Variants in NAV1 observed in about 807,000 individuals in gnomAD.
NAV1 encodes the protein pore membrane and/or filament interacting like protein 3.
NAV1 carries 18 observed loss-of-function variants against 175.2 expected under a neutral mutation model. The observed-to-expected ratio is 0.10, with a 90% CI of 0.07 to 0.15. NAV1 has a LOEUF of 0.15. Among genes scored for constraint, NAV1 ranks in the 10% least tolerant of loss-of-function variants. The pLI is 1.00. For missense variants in NAV1, 1,731 were observed against 2,436.6 expected, an observed-to-expected ratio of 0.71 and a Z score of 6.10; for synonymous variants, 897 against 978.7, an observed-to-expected ratio of 0.92 and a Z score of 1.56.
chr1:201,648,245 T>A (rs1343911812), upstream of NAV1: 6 of 1,023,952 alleles, frequency 5.9e-6, no homozygotes, highest in Non-Finnish European at 7.0e-6. Context: ...GGCAGTGCGG[T>A]GTCCACGGGA....
rs1678603216 is a variant in NAV1, at chr1:201,810,222, T to C, written c.4561+117T>C. On this transcript the variant is annotated intron_variant, in intron 23 of 29. Transcript: ENST00000367296. The surrounding 1 kb of genome is among the most constrained non-coding windows in gnomAD (Gnocchi z 6.0). Reference sequence around the variant, plus strand: ...TCACTGAGAAGGTATAATATGAAGATGCTTAAGTAATGTGAGATATAAAAA... The same window carrying C: ...TCACTGAGAAGGTATAATATGAAGACGCTTAAGTAATGTGAGATATAAAAA... 3 of 1,360,228 alleles carry C rather than the reference T, an allele frequency of 2.2e-6. No individual in the cohort carries two copies. The highest frequency in any genetic ancestry group is 3.0e-6 in the Non-Finnish European group (3 of 994,998). The allele number at this position is 1,360,228 out of a possible 1,614,324, so 84.3% of individuals were successfully genotyped here. A position where few individuals can be genotyped will look rare whatever the true frequency, so the allele number is the denominator to read the frequency against.
intron 2 of NAV1, among the ~76,000 whole-genome samples, chr1:201,607,119 T>C (rs946403338): frequency 1.5e-5 from 2 of 136,844 alleles, no homozygotes; most frequent in East Asian, 2.0e-4. Context: ...TTTTTTCTTT[T>C]TTTTTTTTTT....
At chr1:201,794,110 A>G in intron 14 of NAV1, 2 of 686,742 alleles carry the variant, frequency 2.9e-6, no homozygotes, top group Non-Finnish European at 5.3e-6. Flanking sequence ...ATTGCCTGAC[A>G]CATCATAAGG....
chr1:201,804,111 C>T, intron 16 of NAV1: 1 of 444,118 alleles, frequency 2.3e-6, no homozygotes, highest in South Asian at 2.0e-5. Context: ...TCCTGGAGGT[C>T]ATTTCTTTAA....
intron 3 of NAV1, among the ~76,000 whole-genome samples, chr1:201,760,533 T>C (rs1355822434): frequency 6.6e-6 from 1 of 152,218 alleles, no homozygotes; most frequent in East Asian, 1.9e-4. Context: ...TAGATTTGTA[T>C]TAGAGTAACA....
intron 1 of NAV1, chr1:201,673,384 G>A (rs1043879993): frequency 6.6e-6 from 1 of 152,180 alleles, no homozygotes; most frequent in Non-Finnish European, 1.5e-5. Context: ...GTGGTAAAAT[G>A]GGAGATGGAG....
chr1:201,795,421 C>CT (rs1172912903), intron 15 of NAV1: 1 of 152,198 alleles, frequency 6.6e-6, no homozygotes, highest in African/African-American at 2.4e-5. Flanking sequence ...GGGATGCCCT[C>CT]TTTAGCAACC....
At chr1:201,766,499 A>C (rs1049953750) in intron 3 of NAV1, among the ~76,000 whole-genome samples, 1 of 151,846 alleles carries the variant, frequency 6.6e-6, no homozygotes, top group African/African-American at 2.4e-5. Flanking sequence ...GCATCACAAA[A>C]CTGCCCAATT....
intron 3 of NAV1, among the ~76,000 whole-genome samples, chr1:201,776,440 G>T (rs1368625127): frequency 2.0e-5 from 3 of 151,086 alleles, no homozygotes; most frequent in African/African-American, 7.3e-5. Context: ...AAGAGATCGA[G>T]ACCATTCTGG....
chr1:201,621,989 C>A (rs1668185928), upstream of NAV1, among the ~76,000 whole-genome samples: 1 of 152,088 alleles, frequency 6.6e-6, no homozygotes, highest in African/African-American at 2.4e-5. Flanking sequence ...GTTGAAGATA[C>A]AAGAGAGAAG....
At chr1:201,798,720 T>TTTTTTA (rs59777765) in intron 15 of NAV1, 1 of 83,810 alleles carries the variant, frequency 1.2e-5, no homozygotes, top group African/African-American at 3.5e-5. Flanking sequence ...TTTTTTTTTT[T>TTTTTTA]GAGATGAATT....
chr1:201,724,634 A>C (rs239968), intron 3 of NAV1: 132,009 of 152,720 alleles, frequency 0.86, 57,696 homozygotes, highest in Middle Eastern at 0.92. Flanking sequence ...TGCTGTCCTG[A>C]AACCTATGCC....
At chr1:201,582,343 C>T (rs553653926) in intron 1 of NAV1, among the ~76,000 whole-genome samples, 19 of 152,328 alleles carry the variant, frequency 1.2e-4, no homozygotes, top group Non-Finnish European at 2.1e-4. Context: ...CTGCCACTCC[C>T]AGGCAGAGGC....
intron 1 of NAV1, among the ~76,000 whole-genome samples, chr1:201,563,236 G>A (rs937459157): frequency 6.6e-6 from 1 of 152,190 alleles, no homozygotes; most frequent in African/African-American, 2.4e-5. Context: ...GCGGCAGCAG[G>A]AAACATTTGT....
chr1:201,564,911 T>C (rs949748380), intron 1 of NAV1, among the ~76,000 whole-genome samples: 7 of 152,236 alleles, frequency 4.6e-5, no homozygotes, highest in African/African-American at 1.7e-4. Context: ...GTCCTTCTCA[T>C]GCTGCCATCT....
chr1:201,594,313 G>T (rs1379298529), intron 2 of NAV1, among the ~76,000 whole-genome samples: 1 of 152,150 alleles, frequency 6.6e-6, no homozygotes, highest in Non-Finnish European at 1.5e-5. Context: ...GTCAAGGCAG[G>T]GTTGGGGCTC....
rs1553247032 is a variant in NAV1 at position 201,642,511 on chromosome 1, C to CTCTTTCTTTT, written c.5-6114_5-6113insTTCTTTCTTT. On this transcript the variant is annotated intron_variant, in intron 2 of 29. Coordinates refer to the NAV1 transcript ENST00000367302. ...ACAGGTGTGAGCCACCGCACCCGGC[C>CTCTTTCTTTT]TCTTTCTTTCTTTTTTTCTTTCTTT... Among the ~76,000 whole-genome samples the CTCTTTCTTTT allele has an allele frequency of 4.1e-3, 186 of 45,578 alleles. 6 individuals carry two copies. The highest frequency in any genetic ancestry group is 0.014 in the African/African-American group (165 of 12,166). The allele number at this position is 45,578 out of a possible 152,430, so 29.9% of individuals were successfully genotyped here.
intron 3 of NAV1, among the ~76,000 whole-genome samples, chr1:201,732,404 C>G (rs867054076): frequency 2.6e-5 from 4 of 152,058 alleles, no homozygotes; most frequent in Non-Finnish European, 2.9e-5. Context: ...GTCTCAAACT[C>G]CTGGGCTCAA....
chr1:201,800,710 T>A (rs1677799454), intron 15 of NAV1, among the ~76,000 whole-genome samples: 1 of 152,122 alleles, frequency 6.6e-6, no homozygotes, highest in African/African-American at 2.4e-5. Flanking sequence ...CTAATAGTTT[T>A]AATCTTGCCA....
Sources: gnomAD v4.1 joint callset for allele counts (sites outside exome capture counted in the v4.1 genomes callset) on GRCh38, gnomAD v4.1.1 for gene constraint, Gnocchi (gnomAD v3.1) non-coding constraint, MANE v1.5 for transcripts, NCBI Gene and HGNC (gene_info 2026-07-23, HGNC 2026-07-21) for gene names.